The following RIMS1 variants were observed in gnomAD, a reference collection of about 807,000 sequenced individuals.
RIMS1 encodes regulating synaptic membrane exocytosis protein 1.
Under a neutral mutation model 214.1 loss-of-function variants are expected in RIMS1, and 83 were observed. The ratio of observed to expected loss-of-function variants is 0.39; its 90% CI spans 0.32 to 0.47. The LOEUF (loss-of-function observed/expected upper bound fraction) is 0.47. Among genes scored for constraint, RIMS1 ranks in the 20% least tolerant of loss-of-function variants. The pLI, the probability that RIMS1 is intolerant of heterozygous loss-of-function variation, is 0.99. For missense variants in RIMS1, 2,050 were observed against 2,161.8 expected, an observed-to-expected ratio of 0.95 and a Z score of 1.03; for synonymous variants, 793 against 786.8, an observed-to-expected ratio of 1.01 and a Z score of -0.13.
At chr6:72,158,062 CTTGT>C (rs1270899993) in intron 4 of RIMS1, among the ~76,000 whole-genome samples, 4 of 140,402 alleles carry the variant, frequency 2.8e-5, no homozygotes, top group Admixed American at 1.5e-4. Context: ...TTAAATTATG[CTTGT>C]TTGTCATCAA....
chr6:72,312,830 G>A (rs998991981), intron 27 of RIMS1, among the ~76,000 whole-genome samples: 2 of 152,074 alleles, frequency 1.3e-5, no homozygotes, highest in Non-Finnish European at 2.9e-5. Context: ...TAACTAAATT[G>A]ACTAGTTTTA....
chr6:71,950,230 A>C (rs1789038844), intron 1 of RIMS1, among the ~76,000 whole-genome samples: 1 of 152,176 alleles, frequency 6.6e-6, no homozygotes, highest in Non-Finnish European at 1.5e-5. Context: ...GGTTGACTAC[A>C]AGAGATAGTA....
intron 29 of RIMS1, among the ~76,000 whole-genome samples, chr6:72,371,023 T>A (rs1409504027): frequency 6.6e-6 from 1 of 152,210 alleles, no homozygotes; most frequent in Non-Finnish European, 1.5e-5. Context: ...TGAGATTTTT[T>A]ATATGAAAAA....
intron 2 of RIMS1, among the ~76,000 whole-genome samples, chr6:71,981,694 T>C (rs1036438529): frequency 1.3e-5 from 2 of 152,188 alleles, no homozygotes; most frequent in Non-Finnish European, 2.9e-5. Context: ...GGGTTTAATC[T>C]CTAATCCGGC....
chr6:72,274,154 A>G (rs1289568515), intron 22 of RIMS1, among the ~76,000 whole-genome samples, 195 bp from the exon 23 acceptor site: 1 of 152,198 alleles, frequency 6.6e-6, no homozygotes, highest in African/African-American at 2.4e-5. Context: ...TTATAAGATT[A>G]TAGGTTTTAT....
chr6:72,314,162 C>G (rs2095647278), intron 28 of RIMS1, among the ~76,000 whole-genome samples: 2 of 152,138 alleles, frequency 1.3e-5, no homozygotes, highest in South Asian at 4.1e-4. Flanking sequence ...TTGTTTAAGT[C>G]ACCAGTAGTG....
chr6:72,163,783 A>G (rs1200064947), intron 4 of RIMS1, among the ~76,000 whole-genome samples: 6 of 62,934 alleles, frequency 9.5e-5, no homozygotes, highest in African/African-American at 2.8e-4. Flanking sequence ...TGAGGTGTCA[A>G]TCTGCCCCTA....
intron 28 of RIMS1, 105 bp from the exon 29 acceptor site, chr6:72,333,495 C>T (rs2096739937): frequency 3.3e-6 from 3 of 911,604 alleles, no homozygotes; most frequent in South Asian, 1.6e-5. Flanking sequence ...GCATTTTCTC[C>T]CTAAAAATGT....
At chr6:72,020,969 ATC>A (rs1236412884) in intron 2 of RIMS1, among the ~76,000 whole-genome samples, 3 of 152,206 alleles carry the variant, frequency 2.0e-5, no homozygotes, top group Non-Finnish European at 2.9e-5. Flanking sequence ...TGATTACTGT[ATC>A]TGTTTTATTT....
intron 8 of RIMS1, 98 bp downstream of exon 8, chr6:72,235,826 T>A: frequency 5.7e-6 from 3 of 527,804 alleles, no homozygotes; most frequent in Non-Finnish European, 9.4e-6. Flanking sequence ...GTCATTTAAA[T>A]ATTTTATATA....
intron 4 of RIMS1, among the ~76,000 whole-genome samples, chr6:72,100,248 C>A (rs578243184): frequency 6.6e-6 from 1 of 152,034 alleles, no homozygotes; most frequent in South Asian, 2.1e-4. Flanking sequence ...GCTCATTTAT[C>A]TGCTTGACTC....
chr6:72,218,511 A>G (rs2463752), intron 6 of RIMS1, among the ~76,000 whole-genome samples: 104,107 of 152,124 alleles, frequency 0.68, 36,424 homozygotes, highest in East Asian at 0.98. Flanking sequence ...ATTGCTGCCT[A>G]CCAAATACTA....
intron 4 of RIMS1, among the ~76,000 whole-genome samples, chr6:72,138,375 C>A (rs923349836): frequency 6.6e-6 from 1 of 152,144 alleles, no homozygotes; most frequent in Non-Finnish European, 1.5e-5. Context: ...CCAATAAAAT[C>A]CCTTAAGCCC....
chr6:71,961,917 A>G (rs1028144683), intron 1 of RIMS1, among the ~76,000 whole-genome samples: 2 of 152,164 alleles, frequency 1.3e-5, no homozygotes, highest in African/African-American at 4.8e-5. Context: ...CAAATGGGAG[A>G]ATGAATATGT....
At chr6:71,964,246 A>G (rs1475985263) in intron 1 of RIMS1, among the ~76,000 whole-genome samples, 1 of 152,194 alleles carries the variant, frequency 6.6e-6, no homozygotes, top group Non-Finnish European at 1.5e-5. Flanking sequence ...ATTTCAAGGC[A>G]GGAAGGTAGA....
chr6:72,383,605 C>T (rs2098531753), intron 29 of RIMS1, among the ~76,000 whole-genome samples: 1 of 113,210 alleles, frequency 8.8e-6, no homozygotes, highest in Admixed American at 9.4e-5. Context: ...AAGACCCCAT[C>T]TCTAAAAAAA....
intron 6 of RIMS1, among the ~76,000 whole-genome samples, chr6:72,222,838 C>T (rs562140233): frequency 2.0e-5 from 3 of 152,138 alleles, no homozygotes; most frequent in African/African-American, 7.2e-5. Flanking sequence ...AATGTTTTGC[C>T]CTTTAATCCA....
Position 72,299,099 on chromosome 6 carries a change from G to A in RIMS1, c.3850+7053G>A, listed in dbSNP as rs554715953. Among the ~76,000 whole-genome samples, 7 of 151,958 alleles carry A rather than the reference G, an allele frequency of 4.6e-5. No homozygotes were observed. The South Asian group carries it at 8.3e-4, about 18-fold the overall frequency. ...TACATTTCTTGGACAGTTTTAAAGA[G>A]CCCATGAATGTAGTTTGGGGGCATC... On this transcript the variant is annotated intron_variant, in intron 26 of 33. Coordinates refer to ENST00000521978, the MANE Select transcript of RIMS1 (RefSeq NM_014989.7).
intron 1 of RIMS1, among the ~76,000 whole-genome samples, chr6:71,891,842 G>A (rs941308061): frequency 1.3e-5 from 2 of 152,142 alleles, no homozygotes; most frequent in Non-Finnish European, 2.9e-5. Flanking sequence ...CTTTTTAAAC[G>A]AGGAAAACAA....
Sources: gnomAD v4.1 joint callset for allele counts (sites outside exome capture counted in the v4.1 genomes callset) on GRCh38, gnomAD v4.1.1 for gene constraint, MANE v1.5 for transcripts, NCBI Gene and HGNC (gene_info 2026-07-23, HGNC 2026-07-21) for gene names.